C6: variants seen among roughly 807,000 people sequenced by gnomAD.
C6 encodes the protein complement component C6.
Under a neutral mutation model 112.9 loss-of-function variants are expected in C6, and 101 were observed. The ratio of observed to expected loss-of-function variants is 0.89; its 90% CI spans 0.76 to 1.06. The LOEUF is 1.06. Ranked by LOEUF, C6 falls within the 50% of genes least tolerant of loss-of-function variation. C6 has a pLI of 0.00. For synonymous variants in C6, 431 were observed against 384.1 expected (o/e 1.12, Z -1.43); for missense variants, 1,202 against 1,104.6 (o/e 1.09, Z -1.25).
At chr5:41,170,505 A>T (rs965658935) in intron 9 of C6, among the ~76,000 whole-genome samples, 1 of 151,938 alleles carries the variant, frequency 6.6e-6, no homozygotes, top group Admixed American at 6.6e-5. Context: ...ACTGATATAG[A>T]ATCTGTATTC....
chr5:41,177,896 G>A (rs890137685), intron 7 of C6, among the ~76,000 whole-genome samples: 3 of 152,116 alleles, frequency 2.0e-5, no homozygotes, highest in Admixed American at 6.5e-5. Context: ...TTTAATACTT[G>A]AATTTTGTCA....
chr5:41,258,989 T>A (rs751727997), intron 1 of C6, among the ~76,000 whole-genome samples: 2 of 152,132 alleles, frequency 1.3e-5, no homozygotes, highest in African/African-American at 4.8e-5. Context: ...GAGATTTGGG[T>A]GGGGACACAG....
chr5:41,202,989 A>G, intron 2 of C6, 99 bp downstream of exon 2: 2 of 1,115,082 alleles, frequency 1.8e-6, no homozygotes, highest in Middle Eastern at 2.9e-4. Context: ...ACTTTGATAT[A>G]TATATGTTCC....
intron 15 of C6, among the ~76,000 whole-genome samples, chr5:41,150,364 A>G (rs1746273541): frequency 6.6e-6 from 1 of 152,198 alleles, no homozygotes; most frequent in African/African-American, 2.4e-5. Context: ...GAGTAGATTG[A>G]GCATAAACTG....
At chr5:41,145,178 C>T (rs1561084763) in intron 17 of C6, among the ~76,000 whole-genome samples, 1 of 152,164 alleles carries the variant, frequency 6.6e-6, no homozygotes, top group Non-Finnish European at 1.5e-5. Flanking sequence ...TTTGAGGAAT[C>T]GCCACACTGC....
intron 1 of C6, among the ~76,000 whole-genome samples, chr5:41,221,641 A>G (rs777357103): frequency 5.9e-5 from 9 of 152,076 alleles, no homozygotes; most frequent in Non-Finnish European, 1.2e-4. Flanking sequence ...TTTGATCCTC[A>G]TTGTTTTGGT....
At chr5:41,149,601 C>G (rs933287677) in intron 16 of C6, 119 bp from the exon 17 acceptor site, 67 of 1,281,974 alleles carry the variant, frequency 5.2e-5, no homozygotes, top group Non-Finnish European at 7.3e-5. Context: ...TTCCCCACCC[C>G]ACTCCAAGCC....
At chr5:41,225,685 CA>C (rs1672653586) in intron 1 of C6, among the ~76,000 whole-genome samples, 1 of 152,170 alleles carries the variant, frequency 6.6e-6, no homozygotes. Context: ...GTCCCACCAA[CA>C]GTGTAAAAGT....
At chr5:41,160,435 A>C (rs1173898171) in intron 10 of C6, 68 bp from the exon 11 acceptor site, 5 of 1,208,088 alleles carry the variant, frequency 4.1e-6, no homozygotes, top group Non-Finnish European at 4.9e-6. Context: ...ATTACTGCCC[A>C]GTTCTCTGAA....
chr5:41,254,401 A>T (rs917283232), intron 1 of C6, among the ~76,000 whole-genome samples: 1 of 152,164 alleles, frequency 6.6e-6, no homozygotes, highest in Non-Finnish European at 1.5e-5. Flanking sequence ...GCAAGACTCC[A>T]TCTCAAAAAA....
upstream of C6, among the ~76,000 whole-genome samples, chr5:41,215,842 A>G (rs1237647600): frequency 6.6e-6 from 1 of 152,150 alleles, no homozygotes; most frequent in Admixed American, 6.6e-5. Context: ...ATAACCACAA[A>G]TATAAAATAA....
intron 9 of C6, among the ~76,000 whole-genome samples, chr5:41,164,699 CA>C (rs763916019): frequency 1.3e-5 from 2 of 152,248 alleles, no homozygotes; most frequent in Admixed American, 6.5e-5. Context: ...TCTAACTTTG[CA>C]ATGTCCTCTT....
At chr5:41,239,238 A>G (rs1382578987) in intron 1 of C6, among the ~76,000 whole-genome samples, 1 of 147,900 alleles carries the variant, frequency 6.8e-6, no homozygotes, top group East Asian at 2.0e-4. Flanking sequence ...CAGCCTCCCC[A>G]TGAGCTGGGG....
chr5:41,216,244 A>G (rs1752192338), upstream of C6, among the ~76,000 whole-genome samples: 1 of 152,114 alleles, frequency 6.6e-6, no homozygotes, highest in African/African-American at 2.4e-5. Context: ...GATAAATACA[A>G]CCAGCCTACA....
At chr5:41,164,258 T>A (rs1467888172) in intron 9 of C6, among the ~76,000 whole-genome samples, 3 of 152,204 alleles carry the variant, frequency 2.0e-5, no homozygotes, top group Non-Finnish European at 2.9e-5. Flanking sequence ...AATTCTGTCA[T>A]CTTTGGCAAT....
intron 1 of C6, among the ~76,000 whole-genome samples, chr5:41,208,023 G>C (rs1751578744): frequency 6.6e-6 from 1 of 152,150 alleles, no homozygotes; most frequent in Admixed American, 6.5e-5. Flanking sequence ...ACAACAAACT[G>C]TCTCTCACAT....
At chr5:41,162,202 T>G (rs1456364821) in intron 9 of C6, among the ~76,000 whole-genome samples, 1 of 152,204 alleles carries the variant, frequency 6.6e-6, no homozygotes, top group East Asian at 1.9e-4. Context: ...ACATGGTTAC[T>G]AAGAGACAGG....
In C6 at chr5:41,259,351, G is replaced by A. The variant is rs550343229; in HGVS notation, c.-21+1843C>T. 5.3e-5 allele frequency among the ~76,000 whole-genome samples: 8 copies of A among 152,242 alleles called. No homozygotes were observed. The South Asian group carries it at 1.7e-3, about 32-fold the overall frequency. On this transcript the variant is annotated intron_variant, in intron 1 of 17. Transcript: ENST00000263413. ...TTTTACTTTGCATTCCTTGGTGAAT[G>A]TATATGGGTTTCTAGAATCTCTTGT...
At chr5:41,199,940 C>A in intron 3 of C6, 28 bp from the exon 4 acceptor site, 1 of 1,612,754 alleles carries the variant, frequency 6.2e-7, no homozygotes, top group Non-Finnish European at 8.5e-7. Context: ...AAAGATATAA[C>A]TCTGAGGCAG....
Sources: gnomAD v4.1 joint callset for allele counts (sites outside exome capture counted in the v4.1 genomes callset) on GRCh38, gnomAD v4.1.1 for gene constraint, MANE v1.5 for transcripts, NCBI Gene and HGNC (gene_info 2026-07-23, HGNC 2026-07-21) for gene names.